The following PRKAG2 variants were observed in gnomAD, a reference collection of about 807,000 sequenced individuals.
PRKAG2 encodes 5'-AMP-activated protein kinase subunit gamma-2.
A neutral mutation model predicts 69.6 loss-of-function variants in PRKAG2; 26 were observed. The observed-to-expected ratio is 0.37, with a 90% CI of 0.27 to 0.52. PRKAG2 has a LOEUF of 0.52. Ranked by LOEUF, PRKAG2 falls within the 20% of genes least tolerant of loss-of-function variation. The pLI, the probability that PRKAG2 is intolerant of heterozygous loss-of-function variation, is 0.90. For missense variants in PRKAG2, 557 were observed against 740.0 expected (o/e 0.75, Z 2.87); for synonymous variants, 293 against 285.0 (o/e 1.03, Z -0.28).
chr7:151,559,679 A>G (rs1291883844), intron 15 of PRKAG2: 10 of 985,260 alleles, frequency 1.0e-5, no homozygotes, highest in Non-Finnish European at 1.2e-5. Flanking sequence ...GTCTTAACTG[A>G]AATTTCTGAA....
At chr7:151,603,998 G>A (rs1027419793) in intron 5 of PRKAG2, among the ~76,000 whole-genome samples, 10 of 152,182 alleles carry the variant, frequency 6.6e-5, no homozygotes. Context: ...CTGTGCCCCA[G>A]CCAGTCAGGC....
intron 1 of PRKAG2, among the ~76,000 whole-genome samples, chr7:151,862,602 C>T (rs2079959347): frequency 6.6e-6 from 1 of 152,190 alleles, no homozygotes; most frequent in Non-Finnish European, 1.5e-5. Context: ...AGGGCTGGGA[C>T]ATGACAAAGT....
rs573824029 is a variant in PRKAG2 at position 151,814,506 on chromosome 7, G to A, written c.115-27965C>T. Reference sequence around the variant, plus strand: ...TGCTGGATGGCAGGATGCGAGTGACGGGGACGGGCGGCACTCCCAGCTCTG... The same window carrying A: ...TGCTGGATGGCAGGATGCGAGTGACAGGGACGGGCGGCACTCCCAGCTCTG... On this transcript the variant is annotated intron_variant, in intron 1 of 15. Transcript: ENST00000287878. This position sits in a 1 kb window ranked among gnomAD's most constrained non-coding sequence, Gnocchi z 4.8. The A allele has an allele frequency of 6.1e-5, 75 of 1,230,970 alleles. 1 individual carries two copies. The highest frequency in any genetic ancestry group is 2.5e-4 in the Admixed American group (6 of 23,708). The allele number at this position is 1,230,970 out of a possible 1,614,324, so 76.3% of individuals were successfully genotyped here. A position where few individuals can be genotyped will look rare whatever the true frequency, so the allele number is the denominator to read the frequency against.
intron 3 of PRKAG2, among the ~76,000 whole-genome samples, chr7:151,779,828 G>A (rs374383878): frequency 2.8e-4 from 42 of 152,256 alleles, no homozygotes; most frequent in African/African-American, 4.8e-4. Context: ...GAGCCCTCAC[G>A]CAGCTTTCCC....
chr7:151,645,946 G>T (rs1827486834), intron 4 of PRKAG2, among the ~76,000 whole-genome samples: 1 of 152,140 alleles, frequency 6.6e-6, no homozygotes, highest in Admixed American at 6.5e-5. Context: ...GTTCCACATT[G>T]CTTGTTGAAA....
At chr7:151,870,579 G>A (rs899053869) in intron 1 of PRKAG2, among the ~76,000 whole-genome samples, 14 of 152,174 alleles carry the variant, frequency 9.2e-5, no homozygotes, top group African/African-American at 2.9e-4. Flanking sequence ...CATCCGGAGC[G>A]TTTCAGTGGT....
At chr7:151,715,322 C>CA (rs34971340) in intron 3 of PRKAG2, among the ~76,000 whole-genome samples, 3,277 of 62,400 alleles carry the variant, frequency 0.053, 374 homozygotes, top group African/African-American at 0.13. Context: ...GGCCTAAAAG[C>CA]AAAAAAAAAA....
chr7:151,571,105 T>C (rs1270363232), intron 9 of PRKAG2, among the ~76,000 whole-genome samples: 10 of 146,800 alleles, frequency 6.8e-5, no homozygotes, highest in African/African-American at 2.6e-4. Flanking sequence ...GGAGTTTTGC[T>C]CTGTTGCCCA....
Position 151,712,245 on chromosome 7 carries a change from C to T in PRKAG2, c.467-36608G>A, listed in dbSNP as rs190307395. Among the ~76,000 whole-genome samples, 16 of 152,328 alleles carry T rather than the reference C, an allele frequency of 1.1e-4. No homozygotes were observed. In the East Asian group the frequency reaches 1.4e-3, roughly 13 times the overall value. On this transcript the variant is annotated intron_variant, in intron 3 of 15. Transcript: ENST00000287878. Reference sequence around the variant, plus strand: ...GCTCTGAGGAGTGTGAACAATGGGACGGGCTCAGGCTCACTCACCCGGGAA... The same window carrying T: ...GCTCTGAGGAGTGTGAACAATGGGATGGGCTCAGGCTCACTCACCCGGGAA...
chr7:151,576,693 G>T (rs889478698), intron 6 of PRKAG2, among the ~76,000 whole-genome samples: 2 of 152,032 alleles, frequency 1.3e-5, no homozygotes, highest in African/African-American at 4.8e-5. Context: ...TAGAAACAGG[G>T]TTTCACCATG....
intron 5 of PRKAG2, among the ~76,000 whole-genome samples, chr7:151,628,135 G>C (rs73478084): frequency 0.13 from 19,050 of 152,210 alleles, 1,376 homozygotes; most frequent in African/African-American, 0.17. Flanking sequence ...AAACTTGAAA[G>C]AGCCCAGCTC....
Position 151,781,845 on chromosome 7 carries a change from T to C in PRKAG2, c.187-414A>G, listed in dbSNP as rs2076687629. Among the ~76,000 whole-genome samples the C allele has an allele frequency of 6.6e-6, 1 of 152,102 alleles. No individual in the cohort carries two copies. The highest frequency in any genetic ancestry group is 2.1e-4 in the South Asian group (1 of 4,832). The stretch of plus-strand genomic sequence containing the variant: ...GCAGTCCTCTTGCCTGCCTATAAGA[T>C]CCCTATGTTCCAGAACAGAGCGGGC... On this transcript the variant is annotated intron_variant, in intron 2 of 15. Transcript: ENST00000287878. The surrounding 1 kb of genome is among the most constrained non-coding windows in gnomAD (Gnocchi z 6.1).
chr7:151,593,056 G>C (rs1195109848), intron 6 of PRKAG2, among the ~76,000 whole-genome samples: 1 of 152,190 alleles, frequency 6.6e-6, no homozygotes, highest in East Asian at 1.9e-4. Context: ...TACTGGATCA[G>C]TCACCTTGGA....
At chr7:151,711,191 AG>A (rs901317405) in intron 3 of PRKAG2, among the ~76,000 whole-genome samples, 26 of 152,196 alleles carry the variant, frequency 1.7e-4, no homozygotes, top group African/African-American at 5.5e-4. Context: ...TAGAGAACTG[AG>A]GGTGCTAGGC....
chr7:151,698,109 TCCCACCCACCTCAA>T (rs1191182287), intron 3 of PRKAG2, among the ~76,000 whole-genome samples: 1 of 152,154 alleles, frequency 6.6e-6, no homozygotes, highest in African/African-American at 2.4e-5. Context: ...CACTGGGGCT[TCCCACCCACCTCAA>T]CCCTGCCTGA....
In PRKAG2 at chr7:151,777,055, G is replaced by A. The variant is rs770311074; in HGVS notation, c.466+4097C>T. Among the ~76,000 whole-genome samples, 7 of 152,148 alleles carry A rather than the reference G, an allele frequency of 4.6e-5. No homozygotes were observed. The highest frequency in any genetic ancestry group is 7.4e-5 in the Non-Finnish European group (5 of 68,008). ...TCCTGCAGTACAGGAGATGGGTTGG[G>A]GGACTCACTCTCTGACTCCACCTGC... On this transcript the variant is annotated intron_variant, in intron 3 of 15. Transcript: ENST00000287878. The surrounding 1 kb of genome is among the most constrained non-coding windows in gnomAD (Gnocchi z 4.3).
chr7:151,592,693 C>CAATG (rs1813516799), intron 6 of PRKAG2, among the ~76,000 whole-genome samples: 1 of 152,176 alleles, frequency 6.6e-6, no homozygotes, highest in African/African-American at 2.4e-5. Flanking sequence ...ATCAATGAAT[C>CAATG]AATGAATATA....
chr7:151,658,069 A>C (rs1829723866), intron 4 of PRKAG2, among the ~76,000 whole-genome samples: 2 of 151,806 alleles, frequency 1.3e-5, no homozygotes, highest in South Asian at 4.2e-4. Flanking sequence ...GAGGCAGGAG[A>C]ATGGCGTGAA....
At chr7:151,649,000 T>C (rs1240559627) in intron 4 of PRKAG2, among the ~76,000 whole-genome samples, 1 of 152,174 alleles carries the variant, frequency 6.6e-6, no homozygotes, top group Non-Finnish European at 1.5e-5. Context: ...TAGTCATTCA[T>C]ATGGGATATG....
Sources: gnomAD v4.1 joint callset for allele counts (sites outside exome capture counted in the v4.1 genomes callset) on GRCh38, gnomAD v4.1.1 for gene constraint, Gnocchi (gnomAD v3.1) non-coding constraint, MANE v1.5 for transcripts, NCBI Gene and HGNC (gene_info 2026-07-23, HGNC 2026-07-21) for gene names.